The following OAF variants were observed in gnomAD, a reference collection of about 807,000 sequenced individuals.
The protein encoded by OAF is out at first homolog, also known as out at first protein homolog.
OAF carries 13 observed loss-of-function variants against 22.5 expected under a neutral mutation model. The ratio of observed to expected loss-of-function variants is 0.58; its 90% CI spans 0.38 to 0.92. OAF has a LOEUF of 0.92. OAF is among the 40% of genes least tolerant of loss of function. The pLI is 0.00. For missense variants in OAF, 347 were observed against 381.8 expected, an observed-to-expected ratio of 0.91 and a Z score of 0.76; for synonymous variants, 175 against 170.5, an observed-to-expected ratio of 1.03 and a Z score of -0.21.
At position 120,211,618 on chromosome 11, in the gene OAF, G is replaced by T. The variant is rs1350008104; in HGVS notation, c.231+108G>T. On this transcript the variant is annotated intron_variant, in intron 1 of 3. Coordinates refer to ENST00000328965, the MANE Select transcript of OAF (RefSeq NM_178507.4). ...AAGACGGGCCCAGGAGGGAGACGCA[G>T]CTGGCCCAAGGTCACGCCGGGCTCT... 4.4e-6 allele frequency: 3 copies of T among 678,370 alleles called. No homozygotes were observed. In the East Asian group the frequency reaches 1.0e-4, roughly 23 times the overall value. The allele number at this position is 678,370 out of a possible 1,614,324, so 42.0% of individuals were successfully genotyped here.
intron 3 of OAF, among the ~76,000 whole-genome samples, chr11:120,228,408 C>T (rs1938390270): frequency 6.6e-6 from 1 of 152,154 alleles, no homozygotes; most frequent in Admixed American, 6.5e-5. Context: ...AAGAAGCCTT[C>T]CTTGACTTCC....
At chr11:120,213,142 G>T (rs1443889727) in intron 1 of OAF, among the ~76,000 whole-genome samples, 1 of 152,104 alleles carries the variant, frequency 6.6e-6, no homozygotes, top group African/African-American at 2.4e-5. Context: ...GGCCAGGACA[G>T]TGAAAGGCAA....
intron 1 of OAF, among the ~76,000 whole-genome samples, chr11:120,224,571 T>G (rs1938326908): frequency 6.6e-6 from 1 of 152,172 alleles, no homozygotes; most frequent in Admixed American, 6.5e-5. Context: ...GCTGAGACAC[T>G]TCTGTTCTCG....
chr11:120,224,137 T>C (rs1005747663), intron 1 of OAF, among the ~76,000 whole-genome samples: 2 of 152,330 alleles, frequency 1.3e-5, no homozygotes, highest in East Asian at 3.9e-4. Flanking sequence ...TAATGGAACC[T>C]TCCTCAACAG....
chr11:120,226,664 G>T (rs147029182), intron 2 of OAF, 152 bp from the exon 3 acceptor site: 6 of 626,420 alleles, frequency 9.6e-6, no homozygotes, highest in Non-Finnish European at 1.7e-5. Context: ...CAGCTTCACT[G>T]CCAGTTGGAG....
At chr11:120,216,740 T>C (rs1487092036) in intron 1 of OAF, among the ~76,000 whole-genome samples, 1 of 152,212 alleles carries the variant, frequency 6.6e-6, no homozygotes, top group Non-Finnish European at 1.5e-5. Flanking sequence ...AGGATCCTGC[T>C]GGGAAGCTGG....
chr11:120,218,144 GGGGC>G, intron 1 of OAF, among the ~76,000 whole-genome samples: 1 of 2,470 alleles, frequency 4.0e-4, no homozygotes, highest in Middle Eastern at 0.5. Flanking sequence ...GCTCTGGGGA[GGGGC>G]TGGGGGCAGG....
At chr11:120,211,586 A>C (rs964559125) in intron 1 of OAF, 76 bp downstream of exon 1, 2 of 1,022,020 alleles carry the variant, frequency 2.0e-6, no homozygotes, top group Admixed American at 3.8e-5. Flanking sequence ...TCTTGCCTGC[A>C]GACGGAAAGA....
chr11:120,225,653 T>G lies in OAF; in HGVS notation c.232-8T>G, dbSNP rs1394833950. The stretch of plus-strand genomic sequence containing the variant: ...TCCAGCCGTTCCCATCCTCCTGCCC[T>G]TCTTCAGGATGTGAAGGTCTTCCGG... On this transcript the variant is annotated splice_region_variant and splice_polypyrimidine_tract_variant and intron_variant, in intron 1 of 3. Transcript: ENST00000328965. 1.3e-6 allele frequency: 2 copies of G among 1,587,110 alleles called. No homozygotes were observed. The highest frequency in any genetic ancestry group is 1.7e-6 in the Non-Finnish European group (2 of 1,167,536).
intron 2 of OAF, 28 bp downstream of exon 2, chr11:120,225,823 C>T (rs1295067942): frequency 6.3e-7 from 1 of 1,584,170 alleles, no homozygotes; most frequent in South Asian, 1.1e-5. Context: ...CCTGCCTGGC[C>T]CAGGTCCTGA....
intron 3 of OAF, among the ~76,000 whole-genome samples, chr11:120,227,492 T>C (rs1938376922): frequency 1.3e-5 from 2 of 152,080 alleles, no homozygotes; most frequent in African/African-American, 2.4e-5. Context: ...CCTTCTGTCA[T>C]GGGTGTGGGG....
chr11:120,229,148 G>A lies in OAF; in HGVS notation c.*6G>A. On this transcript the variant is annotated 3_prime_UTR_variant, in exon 4 of 4. Coordinates refer to ENST00000328965, the MANE Select transcript of OAF (RefSeq NM_178507.4). ...AGGATCCCTACCCAGGCTAGGGTGG[G>A]AGCAACCTGGCGGGTGGCTGCTCTG... 6.2e-7 allele frequency: 1 copy of A among 1,605,938 alleles called. No individual in the cohort carries two copies.
chr11:120,224,901 G>A (rs1004389303), intron 1 of OAF, among the ~76,000 whole-genome samples: 1 of 152,222 alleles, frequency 6.6e-6, no homozygotes, highest in African/African-American at 2.4e-5. Context: ...CAGCCGGATA[G>A]GGAAGGGGGC....
chr11:120,211,320 T>TGCTGCTGCTGCC lies in OAF; in HGVS notation c.48_59dup (p.Leu17_Leu20dup), dbSNP rs1938140844. 3.6e-6 allele frequency: 5 copies of TGCTGCTGCTGCC among 1,387,914 alleles called. No individual in the cohort carries two copies. The South Asian group carries it at 7.9e-5, about 22-fold the overall frequency. 86.0% of individuals were successfully genotyped at this position (1,387,914 alleles called of 1,614,324 possible). On this transcript the variant is annotated inframe_insertion, in exon 1 of 4. Transcript: ENST00000328965. The stretch of plus-strand genomic sequence containing the variant: ...GTACCCCTGGCGCGCCCTGCGCTGC[T>TGCTGCTGCTGCC]GCTGCTGCTGCCGCTGCTCGCGCCG...
At chr11:120,226,355 C>T (rs1938356496) in intron 2 of OAF, among the ~76,000 whole-genome samples, 2 of 152,272 alleles carry the variant, frequency 1.3e-5, no homozygotes, top group South Asian at 4.1e-4. Context: ...AGACCCAGGG[C>T]CTTGCCCCAG....
Position 120,226,890 on chromosome 11 carries a change from C to A in OAF, c.441C>A (p.Asn147Lys). The change falls in exon 3 of 4, where the codon AAC becomes AAA. Residue 147 changes from asparagine to lysine, a missense_variant. Physicochemically the swap from Asn to Lys is moderately conservative, Grantham distance 94. Coordinates refer to ENST00000328965, the MANE Select transcript of OAF (RefSeq NM_178507.4). Reference protein sequence around the residue: ...LEHLHMDVAVNFSQGALLSPH... With the variant: ...LEHLHMDVAVKFSQGALLSPH... ...ATCTGCACATGGATGTCGCTGTCAA[C>A]TTCAGCCAGGGGGCCCTGCTGAGCC... is the stretch of plus-strand genomic sequence containing the variant. 1 of 1,612,936 alleles carries A rather than the reference C, an allele frequency of 6.2e-7. No homozygotes were observed. The highest frequency in any genetic ancestry group is 8.5e-7 in the Non-Finnish European group (1 of 1,179,158).
chr11:120,229,397 T>G lies in OAF; in HGVS notation c.*255T>G. ...GAGGGAGAGAAGGGCTCCCCAGATC[T>G]ACACCCCTCCCTCCTGCATCTCCCC... On this transcript the variant is annotated 3_prime_UTR_variant, in exon 4 of 4. Transcript: ENST00000328965. 1 of 492,328 alleles carries G rather than the reference T, an allele frequency of 2.0e-6. No homozygotes were observed. 30.5% of individuals were successfully genotyped at this position (492,328 alleles called of 1,614,324 possible).
Position 120,211,044 on chromosome 11 carries a change from G to A in OAF, c.-236G>A, listed in dbSNP as rs1387691308. 9 of 170,554 alleles carry A rather than the reference G, an allele frequency of 5.3e-5. No individual in the cohort carries two copies. In the Admixed American group the frequency reaches 5.7e-4, roughly 11 times the overall value. The allele number at this position is 170,554 out of a possible 1,614,324, so 10.6% of individuals were successfully genotyped here. A position where few individuals can be genotyped will look rare whatever the true frequency, so the allele number is the denominator to read the frequency against. On this transcript the variant is annotated 5_prime_UTR_variant, in exon 1 of 4. Coordinates refer to ENST00000328965, the MANE Select transcript of OAF (RefSeq NM_178507.4). ...ACAGGCTCGCAGCGCTGGAGCCCGG[G>A]GCCGCGGAGCCGGGCCGGGGCAGCG...
chr11:120,229,160 G>A lies in OAF; in HGVS notation c.*18G>A, dbSNP rs753737661. The A allele has an allele frequency of 1.9e-5, 31 of 1,602,518 alleles. 1 individual carries two copies. The South Asian group carries it at 2.6e-4, about 14-fold the overall frequency. On this transcript the variant is annotated 3_prime_UTR_variant, in exon 4 of 4. Coordinates refer to ENST00000328965, the MANE Select transcript of OAF (RefSeq NM_178507.4). Reference sequence around the variant, plus strand: ...CAGGCTAGGGTGGGAGCAACCTGGCGGGTGGCTGCTCTGGGCCCACTGCTC... The same window carrying A: ...CAGGCTAGGGTGGGAGCAACCTGGCAGGTGGCTGCTCTGGGCCCACTGCTC...
Sources: allele counts gnomAD v4.1 joint callset (sites outside exome capture counted in the v4.1 genomes callset), GRCh38; gene constraint gnomAD v4.1.1; transcripts MANE v1.5; gene names NCBI Gene and HGNC (gene_info 2026-07-23, HGNC 2026-07-21).